The following ZFAND4 variants were observed in gnomAD, a reference collection of about 807,000 sequenced individuals.
The protein encoded by ZFAND4 is zinc finger AN1-type containing 4.
ZFAND4 carries 43 observed loss-of-function variants against 64.4 expected under a neutral mutation model. That is an observed-to-expected ratio of 0.67 (90% CI 0.52 to 0.86). ZFAND4 has a LOEUF of 0.86. Ranked by LOEUF, ZFAND4 falls within the 40% of genes least tolerant of loss-of-function variation. The pLI is 0.00. For missense variants in ZFAND4, 929 were observed against 859.8 expected, an observed-to-expected ratio of 1.08 and a Z score of -1.01; for synonymous variants, 296 against 305.7, an observed-to-expected ratio of 0.97 and a Z score of 0.33.
chr10:45,619,953 A>T (rs1478508344), intron 8 of ZFAND4, among the ~76,000 whole-genome samples: 3 of 152,200 alleles, frequency 2.0e-5, no homozygotes, highest in East Asian at 1.9e-4. Context: ...AAGTATTTTT[A>T]AAAAGATATT....
chr10:45,670,747 C>CT (rs2049128403), intron 1 of ZFAND4, among the ~76,000 whole-genome samples: 1 of 152,186 alleles, frequency 6.6e-6, no homozygotes, highest in Non-Finnish European at 1.5e-5. Flanking sequence ...AAAACCTAGG[C>CT]AATACCATTC....
Position 45,628,896 on chromosome 10 carries a change from C to CAA in ZFAND4, c.718-1793_718-1792dup, listed in dbSNP as rs74412113. On this transcript the variant is annotated intron_variant, in intron 6 of 9. Transcript: ENST00000344646. ...AGTATGGAGAAGTATGGAGCTTCAC[C>CAA]AAAAAAAAAAAAAAAAAAAAAGGGA... 4.8e-3 allele frequency among the ~76,000 whole-genome samples: 218 copies of CAA among 45,326 alleles called. 1 individual carries two copies. Among genetic ancestry groups the CAA allele is most frequent in the African/African-American group, 0.014 (188 of 13,502 alleles). The allele number at this position is 45,326 out of a possible 152,430, so 29.7% of individuals were successfully genotyped here.
chr10:45,628,236 A>C (rs2045971270), intron 6 of ZFAND4, among the ~76,000 whole-genome samples: 1 of 152,208 alleles, frequency 6.6e-6, no homozygotes, highest in African/African-American at 2.4e-5. Flanking sequence ...AATATAAGAA[A>C]AGCTGGATAA....
Position 45,635,206 on chromosome 10 carries a change from A to C in ZFAND4, c.717+4610T>G, listed in dbSNP as rs571445123. ...CAAAGCCATCTAAGCAAAAAAAAAA[A>C]AAAAAAACAAAAAAAAAACAAACAA... On this transcript the variant is annotated intron_variant, in intron 6 of 9. Coordinates refer to ENST00000344646, the MANE Select transcript of ZFAND4 (RefSeq NM_174890.4). Among the ~76,000 whole-genome samples the C allele has an allele frequency of 3.8e-3, 553 of 144,952 alleles. 6 individuals carry two copies. Among genetic ancestry groups the C allele is most frequent in the African/African-American group, 0.012 (471 of 38,520 alleles).
At position 45,663,842 on chromosome 10, in the gene ZFAND4, C is replaced by T. The variant is rs2048631276; in HGVS notation, c.-117G>A. 3.4e-6 allele frequency: 3 copies of T among 879,828 alleles called. No individual in the cohort carries two copies. The highest frequency in any genetic ancestry group is 4.0e-5 in the Admixed American group (1 of 25,036). The allele number at this position is 879,828 out of a possible 1,614,324, so 54.5% of individuals were successfully genotyped here. On this transcript the variant is annotated splice_region_variant and 5_prime_UTR_variant, in exon 2 of 10. Transcript: ENST00000344646. ...TGTTGTTCATGTTTTGAGTTTTGTA[C>T]CTAAAAAAACAAGAATTTTTTTAAC...
rs2048621321 is a variant in ZFAND4, at chr10:45,663,666, G to T, written c.60C>A (p.Tyr20Ter). Residue 20 changes from tyrosine (Y) to a stop codon, truncating the protein, a stop_gained, in exon 2 of 10, where the codon TAC (tyrosine) becomes TAA (stop). Coordinates refer to ENST00000344646, the MANE Select transcript of ZFAND4 (RefSeq NM_174890.4). LOFTEE classifies it high-confidence loss of function. ...CCATGGTATCACAGAAATGAAGTCTGTAGTAAAATGGTCCCATGTTATCAT... is the reference window on the plus strand; with the variant it reads ...CCATGGTATCACAGAAATGAAGTCTTTAGTAAAATGGTCCCATGTTATCAT... ...FNDDNMGPFY[Y>*]RLHFCDTMEL... 5.0e-6 allele frequency: 8 copies of T among 1,610,490 alleles called. No individual in the cohort carries two copies. The highest frequency in any genetic ancestry group is 5.9e-6 in the Non-Finnish European group (7 of 1,179,156).
In ZFAND4 at chr10:45,615,788, A is replaced by G. The variant is rs2044906364; in HGVS notation, c.*648T>C. On this transcript the variant is annotated 3_prime_UTR_variant, in exon 10 of 10. Transcript: ENST00000344646. ...AAAAAGTAGTAAAATATACACTATC[A>G]TGAACACGATGTGTTTTATAGAATG... 1 of 152,138 alleles carries G rather than the reference A, an allele frequency of 6.6e-6. No homozygotes were observed. Among genetic ancestry groups the G allele is most frequent in the Admixed American group, 6.5e-5 (1 of 15,272 alleles). The allele number at this position is 152,138 out of a possible 1,614,324, so 9.4% of individuals were successfully genotyped here.
chr10:45,617,940 G>T, intron 9 of ZFAND4, 200 bp downstream of exon 9: 2 of 430,768 alleles, frequency 4.6e-6, no homozygotes, highest in Non-Finnish European at 8.0e-6. Context: ...GACAAGGAAG[G>T]ATCTGTTTTT....
At chr10:45,619,143 G>GC (rs1564542865) in intron 8 of ZFAND4, among the ~76,000 whole-genome samples, 4 of 151,738 alleles carry the variant, frequency 2.6e-5, no homozygotes, top group African/African-American at 9.7e-5. Context: ...GGTTCAAGTG[G>GC]TTCTTCTGCC....
At chr10:45,649,202 T>C (rs540077394) in intron 4 of ZFAND4, among the ~76,000 whole-genome samples, 82 of 150,492 alleles carry the variant, frequency 5.4e-4, no homozygotes, top group African/African-American at 2.0e-3. Flanking sequence ...TTAGGAGACA[T>C]ATCTAAGAAA....
intron 5 of ZFAND4, among the ~76,000 whole-genome samples, chr10:45,643,939 T>C (rs899994254): frequency 7.2e-5 from 11 of 152,158 alleles, no homozygotes; most frequent in Non-Finnish European, 5.9e-5. Context: ...TGGTATTTCA[T>C]AACAAATGAA....
At chr10:45,640,477 A>G (rs372988851) in intron 5 of ZFAND4, 1 of 1,148,806 alleles carries the variant, frequency 8.7e-7, no homozygotes, top group African/African-American at 1.7e-5. Flanking sequence ...AACATTTTCT[A>G]TTCTTAAGGA....
At chr10:45,630,962 A>T (rs1238252176) in intron 6 of ZFAND4, among the ~76,000 whole-genome samples, 4 of 127,980 alleles carry the variant, frequency 3.1e-5, no homozygotes, top group South Asian at 2.4e-4. Flanking sequence ...CCCTGTCTTT[A>T]AAAAAAAAAA....
intron 6 of ZFAND4, among the ~76,000 whole-genome samples, chr10:45,628,356 C>T (rs866556159): frequency 6.6e-6 from 1 of 152,180 alleles, no homozygotes. Flanking sequence ...ACAGAGTTGT[C>T]GCCTAGGCAG....
intron 5 of ZFAND4, among the ~76,000 whole-genome samples, chr10:45,641,149 T>C (rs1436759652): frequency 6.6e-6 from 1 of 152,232 alleles, no homozygotes; most frequent in Non-Finnish European, 1.5e-5. Context: ...GCTTGGCACA[T>C]AGCCAATAAA....
rs1017929741 is a variant in ZFAND4 at position 45,616,506 on chromosome 10, T to C, written c.2114A>G (p.Lys705Arg). 3.7e-6 allele frequency: 6 copies of C among 1,614,094 alleles called. No individual in the cohort carries two copies. The highest frequency in any genetic ancestry group is 5.1e-6 in the Non-Finnish European group (6 of 1,180,042). Residue 705 changes from lysine (K) to arginine (R), a missense_variant, in exon 10 of 10, where the codon AAG becomes AGG. By Grantham distance (26) the Lys-to-Arg change is conservative (BLOSUM62 2). Transcript: ENST00000344646. ...GTGCAAGTATCTCCTCCCTGCACTC[T>C]TGTAATCATAGGTACAGCCATGAGT... ...AETHGCTYDY[K>R]SAGRRYLHEA...
chr10:45,642,463 C>A (rs900341683), intron 5 of ZFAND4, among the ~76,000 whole-genome samples: 1 of 151,654 alleles, frequency 6.6e-6, no homozygotes, highest in African/African-American at 2.4e-5. Context: ...AAAAATTCGC[C>A]GGGCGTGGTG....
At position 45,616,384 on chromosome 10, in the gene ZFAND4, T is replaced by C. The variant is rs2044940584; in HGVS notation, c.*52A>G. The C allele has an allele frequency of 6.3e-7, 1 of 1,592,012 alleles. No individual in the cohort carries two copies. Among genetic ancestry groups the C allele is most frequent in the Non-Finnish European group, 8.5e-7 (1 of 1,170,828 alleles). On this transcript the variant is annotated 3_prime_UTR_variant, in exon 10 of 10. Coordinates refer to ENST00000344646, the MANE Select transcript of ZFAND4 (RefSeq NM_174890.4). ...AAATAATAGTCTAAACAACATTTCTTCTGTCATTATAATACGAATCCCGGG... is the reference window on the plus strand; with the variant it reads ...AAATAATAGTCTAAACAACATTTCTCCTGTCATTATAATACGAATCCCGGG...
chr10:45,657,065 G>A (rs2048175418), intron 2 of ZFAND4, among the ~76,000 whole-genome samples: 1 of 150,776 alleles, frequency 6.6e-6, no homozygotes, highest in Non-Finnish European at 1.5e-5. Context: ...CCAGGCTGGA[G>A]TGCAATGGTG....
Sources: allele counts gnomAD v4.1 joint callset (sites outside exome capture counted in the v4.1 genomes callset), GRCh38; gene constraint gnomAD v4.1.1; transcripts MANE v1.5; gene names NCBI Gene and HGNC (gene_info 2026-07-23, HGNC 2026-07-21).